The following PHKB variants were observed in gnomAD, a reference collection of about 807,000 sequenced individuals.
PHKB encodes the protein phosphorylase b kinase regulatory subunit beta.
A neutral mutation model predicts 152.1 loss-of-function variants in PHKB; 122 were observed. The ratio of observed to expected loss-of-function variants is 0.80; its 90% CI spans 0.69 to 0.93. The LOEUF is 0.93. Ranked by LOEUF, PHKB falls within the 40% of genes least tolerant of loss-of-function variation. The pLI is 0.00. For synonymous variants in PHKB, 436 were observed against 464.9 expected, an observed-to-expected ratio of 0.94 and a Z score of 0.80; for missense variants, 1,304 against 1,328.4, an observed-to-expected ratio of 0.98 and a Z score of 0.29.
intron 1 of PHKB, among the ~76,000 whole-genome samples, chr16:47,473,033 A>G (rs1969801090): frequency 6.6e-6 from 1 of 151,230 alleles, no homozygotes; most frequent in African/African-American, 2.4e-5. Context: ...TGTAGCTTCT[A>G]GGATCTGTGT....
intron 27 of PHKB, among the ~76,000 whole-genome samples, chr16:47,692,240 A>G (rs902922252): frequency 1.3e-5 from 2 of 152,184 alleles, no homozygotes; most frequent in African/African-American, 4.8e-5. Flanking sequence ...TCATACCTAG[A>G]AATAGTGTTG....
chr16:47,596,266 T>G (rs1972116966), intron 12 of PHKB, 107 bp from the exon 13 acceptor site: 4 of 799,410 alleles, frequency 5.0e-6, no homozygotes, highest in Non-Finnish European at 6.1e-6. Flanking sequence ...CCATTAAAAC[T>G]CCTTCCTTTA....
At chr16:47,463,686 A>G (rs1189322367) in intron 1 of PHKB, 2 of 515,034 alleles carry the variant, frequency 3.9e-6, no homozygotes, top group Non-Finnish European at 7.0e-6. Context: ...TGGATATTAT[A>G]TAGTTTCTAT....
intron 26 of PHKB, among the ~76,000 whole-genome samples, chr16:47,683,093 G>A (rs774018951): frequency 3.0e-4 from 46 of 152,258 alleles, no homozygotes; most frequent in Admixed American, 1.3e-3. Context: ...TTGGTGAACC[G>A]CAAATGCTGC....
chr16:47,636,993 A>G (rs1972933243), intron 14 of PHKB, among the ~76,000 whole-genome samples: 1 of 152,136 alleles, frequency 6.6e-6, no homozygotes. Context: ...GAGCCCATAA[A>G]AACCACCAGA....
rs753884359 is a variant in PHKB, at chr16:47,461,356, G to T, written c.6G>T (p.Ala2=). Reference sequence around the variant, plus strand: ...AAGGCGGCGACCGGAGCGCGATGGCGGGGGCGGCGGGACTCACGGCAGAAG... The same window carrying T: ...AAGGCGGCGACCGGAGCGCGATGGCTGGGGCGGCGGGACTCACGGCAGAAG... M[A]GAAGLTAEVS... The change falls in exon 1 of 31, where the codon GCG becomes GCT. Residue 2 remains alanine, a synonymous_variant. Coordinates refer to ENST00000323584, the MANE Select transcript of PHKB (RefSeq NM_000293.3). 7 of 1,609,682 alleles carry T rather than the reference G, an allele frequency of 4.3e-6. No homozygotes were observed. The highest frequency in any genetic ancestry group is 1.7e-5 in the Admixed American group (1 of 59,794).
At chr16:47,508,922 T>C (rs537556703) in intron 4 of PHKB, among the ~76,000 whole-genome samples, 10 of 152,198 alleles carry the variant, frequency 6.6e-5, no homozygotes, top group Non-Finnish European at 1.3e-4. Flanking sequence ...AAACTCAAAA[T>C]GTACTTATGT....
At chr16:47,529,371 C>CA (rs1304047530) in intron 6 of PHKB, 1 of 132,562 alleles carries the variant, frequency 7.5e-6, no homozygotes, top group East Asian at 2.1e-4. Flanking sequence ...TTTTTGGAGA[C>CA]AGAGTCTTGC....
At chr16:47,622,670 A>G (rs890962401) in intron 14 of PHKB, among the ~76,000 whole-genome samples, 2 of 152,214 alleles carry the variant, frequency 1.3e-5, no homozygotes, top group Admixed American at 1.3e-4. Flanking sequence ...TGCCAATTAA[A>G]ATGGATTGAT....
rs111526605 is a variant in PHKB, at chr16:47,624,342, G to A, written c.1458+13422G>A. Among the ~76,000 whole-genome samples, 84 of 152,322 alleles carry A rather than the reference G, an allele frequency of 5.5e-4. 2 individuals are homozygous for A. The highest frequency in any genetic ancestry group is 1.9e-3 in the African/African-American group (78 of 41,586). On this transcript the variant is annotated intron_variant, in intron 14 of 30. Coordinates refer to ENST00000323584, the MANE Select transcript of PHKB (RefSeq NM_000293.3). ...AACTATAAATTCAGCCCAAGAAGAT[G>A]AATTTAATATGGCAAAGAAGAATGA...
intron 1 of PHKB, among the ~76,000 whole-genome samples, chr16:47,479,881 T>C (rs1376223371): frequency 1.3e-5 from 2 of 152,230 alleles, no homozygotes; most frequent in South Asian, 4.1e-4. Context: ...ACTCTGCTTC[T>C]GTCAGTTTGC....
intron 6 of PHKB, among the ~76,000 whole-genome samples, chr16:47,520,318 A>C (rs961483197): frequency 6.6e-6 from 1 of 152,256 alleles, no homozygotes; most frequent in Admixed American, 6.5e-5. Context: ...GTCACTGTTC[A>C]AAGTGCTTTG....
intron 14 of PHKB, among the ~76,000 whole-genome samples, chr16:47,611,598 C>T (rs571494402): frequency 4.6e-4 from 70 of 151,912 alleles, no homozygotes; most frequent in African/African-American, 1.6e-3. Context: ...TTGGTATCAA[C>T]GCTTACAGAA....
At chr16:47,513,598 C>G (rs1202447057) in intron 5 of PHKB, among the ~76,000 whole-genome samples, 1 of 152,196 alleles carries the variant, frequency 6.6e-6, no homozygotes, top group Non-Finnish European at 1.5e-5. Flanking sequence ...CTGGGCTCCT[C>G]TGCCCAAAGC....
chr16:47,631,831 G>A (rs972593342), intron 14 of PHKB, among the ~76,000 whole-genome samples: 1 of 152,088 alleles, frequency 6.6e-6, no homozygotes, highest in Non-Finnish European at 1.5e-5. Flanking sequence ...TGGCTGTATG[G>A]TATTCCGTGG....
intron 7 of PHKB, among the ~76,000 whole-genome samples, chr16:47,554,644 G>A (rs1439390017): frequency 6.6e-6 from 1 of 152,186 alleles, no homozygotes; most frequent in African/African-American, 2.4e-5. Flanking sequence ...GGCCCTGGTG[G>A]TGTAGGCACC....
chr16:47,641,751 G>A (rs1006091642), intron 16 of PHKB, 59 bp downstream of exon 16: 5 of 919,476 alleles, frequency 5.4e-6, no homozygotes, highest in Non-Finnish European at 9.1e-6. Context: ...CTTGATGGTT[G>A]GACTTAGTTT....
intron 6 of PHKB, among the ~76,000 whole-genome samples, chr16:47,545,329 T>A (rs1333325951): frequency 2.6e-5 from 4 of 152,142 alleles, no homozygotes; most frequent in Non-Finnish European, 4.4e-5. Flanking sequence ...CAGTAAAGGA[T>A]TTTATTTCTC....
Position 47,663,696 on chromosome 16 carries a change from TGA to T in PHKB, c.2304_2305del (p.Arg768SerfsTer3), listed in dbSNP as rs1973484482. The T allele has an allele frequency of 1.9e-6, 3 of 1,612,664 alleles. No homozygotes were observed. Among genetic ancestry groups the T allele is most frequent in the Non-Finnish European group, 8.5e-7 (1 of 1,178,884 alleles). On this transcript the variant is annotated frameshift_variant, in exon 24 of 31. Coordinates refer to ENST00000323584, the MANE Select transcript of PHKB (RefSeq NM_000293.3). LOFTEE classifies it high-confidence loss of function. ...TKEGTVSDHI[E>X]RVYRRAGSQK... ...GTCTAGGTACCGTTTCTGATCACAT[TGA>T]GAGAGTCTATAGAAGAGCTGGCAGC...
Sources: gnomAD v4.1 joint callset for allele counts (sites outside exome capture counted in the v4.1 genomes callset) on GRCh38, gnomAD v4.1.1 for gene constraint, MANE v1.5 for transcripts, NCBI Gene and HGNC (gene_info 2026-07-23, HGNC 2026-07-21) for gene names.